Variants in SH3RF3 observed in about 807,000 individuals in gnomAD.
The protein encoded by SH3RF3 is SH3 domain containing ring finger 3, also known as E3 ubiquitin-protein ligase SH3RF3.
Under a neutral mutation model 66.3 loss-of-function variants are expected in SH3RF3, and 29 were observed. The observed-to-expected ratio is 0.44, with a 90% confidence interval of 0.33 to 0.60. SH3RF3 has a LOEUF of 0.60. SH3RF3 is among the 20% of genes least tolerant of loss of function. SH3RF3 has a pLI of 0.04. For missense variants in SH3RF3, 1,194 were observed against 1,190.9 expected (o/e 1.00, Z -0.04); for synonymous variants, 583 against 532.0 (o/e 1.10, Z -1.32).
At chr2:109,330,772 A>G (rs2105487578) in intron 1 of SH3RF3, among the ~76,000 whole-genome samples, 1 of 152,320 alleles carries the variant, frequency 6.6e-6, no homozygotes, top group Middle Eastern at 3.4e-3. Context: ...ACATACACAG[A>G]TACACAACTG....
At chr2:109,147,099 T>C (rs548712433) in intron 1 of SH3RF3, among the ~76,000 whole-genome samples, 43 of 152,100 alleles carry the variant, frequency 2.8e-4, no homozygotes, top group Admixed American at 1.3e-3. Context: ...CGTTTTCCCC[T>C]CTTGGTGACC....
intron 1 of SH3RF3, among the ~76,000 whole-genome samples, chr2:109,244,403 T>G (rs796213613): frequency 4.6e-5 from 7 of 152,338 alleles, no homozygotes; most frequent in African/African-American, 1.4e-4. Flanking sequence ...AATACTATAT[T>G]CAGTCTTTAG....
chr2:109,181,207 C>T (rs10171336), intron 1 of SH3RF3, among the ~76,000 whole-genome samples: 130,842 of 152,212 alleles, frequency 0.86, 56,371 homozygotes, highest in African/African-American at 0.91. Context: ...TGGGAATGAT[C>T]TTAGGTTTAT....
intron 4 of SH3RF3, among the ~76,000 whole-genome samples, chr2:109,403,693 C>T (rs1676375724): frequency 6.6e-6 from 1 of 152,196 alleles, no homozygotes; most frequent in Non-Finnish European, 1.5e-5. Context: ...GAGGTGCAGG[C>T]TCCCTCTCTC....
chr2:109,486,910 G>A (rs1229731770), intron 8 of SH3RF3, among the ~76,000 whole-genome samples: 2 of 152,194 alleles, frequency 1.3e-5, no homozygotes, highest in Non-Finnish European at 2.9e-5. Flanking sequence ...GAGACGTTTT[G>A]TTCCTAACAG....
At chr2:109,483,262 C>A (rs1462525535) in intron 8 of SH3RF3, among the ~76,000 whole-genome samples, 1 of 152,228 alleles carries the variant, frequency 6.6e-6, no homozygotes, top group Non-Finnish European at 1.5e-5. Context: ...TAACTTGCAA[C>A]CCGAGAGCCA....
chr2:109,319,385 C>T (rs1301067828), intron 1 of SH3RF3, among the ~76,000 whole-genome samples: 2 of 152,230 alleles, frequency 1.3e-5, no homozygotes, highest in Non-Finnish European at 2.9e-5. Context: ...CCTGTGGGCT[C>T]AGTGGGGTCC....
intron 1 of SH3RF3, among the ~76,000 whole-genome samples, chr2:109,318,708 C>A (rs1389086455): frequency 6.6e-6 from 1 of 152,138 alleles, no homozygotes; most frequent in South Asian, 2.1e-4. Context: ...GGCCAGAATC[C>A]GGGGCTGCCC....
chr2:109,450,182 C>G (rs906110820), intron 8 of SH3RF3, among the ~76,000 whole-genome samples: 6 of 151,952 alleles, frequency 3.9e-5, no homozygotes, highest in African/African-American at 1.5e-4. Flanking sequence ...CCCATCTCTA[C>G]TAAAAATACA....
chr2:109,363,382 A>G (rs989750446), intron 2 of SH3RF3, among the ~76,000 whole-genome samples: 1 of 152,156 alleles, frequency 6.6e-6, no homozygotes, highest in Non-Finnish European at 1.5e-5. Context: ...TGTTCCTTGT[A>G]TCATTGGTGT....
At chr2:109,135,665 CA>C (rs1676798614) in intron 1 of SH3RF3, among the ~76,000 whole-genome samples, 1 of 151,974 alleles carries the variant, frequency 6.6e-6, no homozygotes, top group Non-Finnish European at 1.5e-5. Context: ...TGTGGATGTG[CA>C]TGGGGGGGTG....
intron 1 of SH3RF3, among the ~76,000 whole-genome samples, chr2:109,166,517 GTGT>G (rs936520070): frequency 1.3e-5 from 2 of 151,834 alleles, no homozygotes; most frequent in African/African-American, 4.8e-5. Flanking sequence ...CTCATTGGTA[GTGT>G]TACAGCTCTC....
chr2:109,318,617 C>CA (rs990801781), intron 1 of SH3RF3, among the ~76,000 whole-genome samples: 4 of 152,226 alleles, frequency 2.6e-5, no homozygotes, highest in Non-Finnish European at 4.4e-5. Context: ...CTCATGCTCA[C>CA]ACTGGGGGCA....
At chr2:109,335,071 G>A (rs1682379869) in intron 1 of SH3RF3, among the ~76,000 whole-genome samples, 1 of 152,186 alleles carries the variant, frequency 6.6e-6, no homozygotes, top group Admixed American at 6.5e-5. Context: ...TCTCTGCCTG[G>A]GATCATGGTG....
intron 1 of SH3RF3, among the ~76,000 whole-genome samples, chr2:109,316,797 A>T (rs1305688022): frequency 6.6e-6 from 1 of 152,136 alleles, no homozygotes; most frequent in African/African-American, 2.4e-5. Flanking sequence ...CATGTGCTCT[A>T]TCTGGTTATC....
intron 1 of SH3RF3, among the ~76,000 whole-genome samples, chr2:109,263,695 G>A (rs1490334824): frequency 2.6e-5 from 4 of 152,182 alleles, no homozygotes; most frequent in African/African-American, 4.8e-5. Flanking sequence ...GGCCGGGTGC[G>A]GTGGCTCACG....
At chr2:109,177,569 A>G (rs919157580) in intron 1 of SH3RF3, among the ~76,000 whole-genome samples, 1 of 151,928 alleles carries the variant, frequency 6.6e-6, no homozygotes, top group Non-Finnish European at 1.5e-5. Context: ...CACCATTCCT[A>G]CAAAGTTAGT....
At chr2:109,312,668 G>C (rs193292939) in intron 1 of SH3RF3, among the ~76,000 whole-genome samples, 1 of 152,118 alleles carries the variant, frequency 6.6e-6, no homozygotes, top group Admixed American at 6.5e-5. Context: ...TCGTATTTTC[G>C]AAGTTCATCC....
intron 1 of SH3RF3, among the ~76,000 whole-genome samples, chr2:109,310,667 C>A (rs1681703850): frequency 1.7e-5 from 1 of 58,916 alleles, no homozygotes; most frequent in African/African-American, 1.3e-4. Flanking sequence ...GATATCACCA[C>A]CGATCCCACA....
Sources: gnomAD v4.1 joint callset for allele counts (sites outside exome capture counted in the v4.1 genomes callset) on GRCh38, gnomAD v4.1.1 for gene constraint, MANE v1.5 for transcripts, NCBI Gene and HGNC (gene_info 2026-07-23, HGNC 2026-07-21) for gene names.